SLC40A1: variants seen among roughly 807,000 people sequenced by gnomAD.
The protein encoded by SLC40A1 is ferroportin.
In SLC40A1, 16 loss-of-function variants were observed where a neutral mutation model predicts 53.5. The observed-to-expected ratio is 0.30, with a 90% CI of 0.20 to 0.45. SLC40A1 has a LOEUF of 0.45. Among genes scored for constraint, SLC40A1 ranks in the 20% least tolerant of loss-of-function variants. The pLI is 1.00. For synonymous variants in SLC40A1, 247 were observed against 253.2 expected (o/e 0.98, Z 0.23); for missense variants, 545 against 695.4 (o/e 0.78, Z 2.43).
chr2:189,580,129 CTT>C (rs2031408656), intron 1 of SLC40A1, among the ~76,000 whole-genome samples: 1 of 149,964 alleles, frequency 6.7e-6, no homozygotes, highest in Non-Finnish European at 1.5e-5. Flanking sequence ...TGAAGAAACT[CTT>C]GTTTCAGCAT....
At chr2:189,575,118 T>C (rs748806575) in intron 3 of SLC40A1, 43 bp downstream of exon 3, 8 of 1,606,482 alleles carry the variant, frequency 5.0e-6, no homozygotes, top group Non-Finnish European at 6.8e-6. Flanking sequence ...GCTCAGGCAT[T>C]GGTCCCATGA....
In SLC40A1 at chr2:189,563,848, G is replaced by C. The variant is rs775625648; in HGVS notation, c.1138C>G (p.Gln380Glu). 1 of 1,614,204 alleles carries C rather than the reference G, an allele frequency of 6.2e-7. No individual in the cohort carries two copies. Among genetic ancestry groups the C allele is most frequent in the South Asian group, 1.1e-5 (1 of 91,082 alleles). ...ACACACAAGATCAAACAGGAAAGCTGTGCCAATCCTGAGATCAGACCTGTC... is the reference window on the plus strand; with the variant it reads ...ACACACAAGATCAAACAGGAAAGCTCTGCCAATCCTGAGATCAGACCTGTC... ...VRTGLISGLA[Q>E]LSCLILCVIS... Residue 380 changes from glutamine to glutamate, a missense_variant, in exon 7 of 8, where the codon CAG (glutamine) becomes GAG (glutamate). Gln to Glu is a conservative substitution (Grantham distance 29). This residue lies in a region of SLC40A1 where 234 missense variants were observed against 299.0 expected (regional missense o/e 0.78). Transcript: ENST00000261024.
At chr2:189,566,023 T>C (rs982642315) in intron 5 of SLC40A1, among the ~76,000 whole-genome samples, 3 of 152,040 alleles carry the variant, frequency 2.0e-5, no homozygotes, top group African/African-American at 7.2e-5. Flanking sequence ...TCAACAAGCA[T>C]ATGTGTGTGT....
At position 189,564,165 on chromosome 2, in the gene SLC40A1, T is replaced by C. The variant is rs1334849525; in HGVS notation, c.821A>G (p.His274Arg). The C allele has an allele frequency of 6.2e-6, 10 of 1,613,460 alleles. No individual in the cohort carries two copies. The highest frequency in any genetic ancestry group is 2.2e-5 in the East Asian group (1 of 44,888). ...AGGCTCTTGCTCATGTTCAAGCTCA[T>C]GGATGTTAGAGTCTTTCACACCCAT... Reference protein sequence around the residue: ...HLMGVKDSNIHELEHEQEPTC... With the variant: ...HLMGVKDSNIRELEHEQEPTC... The change falls in exon 7 of 8, where the codon CAT (histidine) becomes CGT (arginine). Residue 274 changes from histidine to arginine, a missense_variant. Around this residue, in one of 4 missense-constraint regions of SLC40A1, gnomAD observed 107 missense variants for 91.0 expected, o/e 1.18. Transcript: ENST00000261024.
chr2:189,579,710 T>C, intron 2 of SLC40A1, 103 bp downstream of exon 2: 1 of 1,008,338 alleles, frequency 9.9e-7, no homozygotes, highest in Non-Finnish European at 1.6e-6. Context: ...TTTATTTCTT[T>C]AACTGCTTGA....
intron 5 of SLC40A1, among the ~76,000 whole-genome samples, chr2:189,570,196 C>T (rs2031083892): frequency 6.6e-6 from 1 of 151,506 alleles, no homozygotes; most frequent in South Asian, 2.1e-4. Context: ...TCAGACTTTG[C>T]AGAGTCAAAT....
chr2:189,569,072 T>C lies in SLC40A1; in HGVS notation c.514+2643A>G, dbSNP rs531507293. On this transcript the variant is annotated intron_variant, in intron 5 of 7. Transcript: ENST00000261024. ...TTCATGAGAAAAATAAAACACCTTT[T>C]CTGGAACTTTCCAAACTGGATAATG... Among the ~76,000 whole-genome samples the C allele has an allele frequency of 4.5e-4, 69 of 152,406 alleles. No homozygotes were observed. The South Asian group carries it at 8.1e-3, about 18-fold the overall frequency.
At chr2:189,570,094 GTGTGTATATATATA>G (rs1355722841) in intron 5 of SLC40A1, among the ~76,000 whole-genome samples, 7 of 150,140 alleles carry the variant, frequency 4.7e-5, no homozygotes, top group East Asian at 2.0e-4. Context: ...ATATATGTAT[GTGTGTATATATATA>G]TGTGTATATA....
chr2:189,565,365 T>A lies in SLC40A1; in HGVS notation c.749A>T (p.Asn250Ile). 2 of 1,614,256 alleles carry A rather than the reference T, an allele frequency of 1.2e-6. No homozygotes were observed. The highest frequency in any genetic ancestry group is 1.1e-5 in the South Asian group (1 of 91,084). The change falls in exon 6 of 8, where the codon AAT becomes ATT. Residue 250 changes from asparagine to isoleucine, a missense_variant. Around this residue, in one of 4 missense-constraint regions of SLC40A1, gnomAD observed 107 missense variants for 91.0 expected, o/e 1.18. Transcript: ENST00000261024. ...TGTGTTCAGTTTACCTTTGTGTAAA[T>A]TCAGCTGTTTCAATTCAGTTTCCTC... ...KEEETELKQL[N>I]LHKDTEPKPL...
chr2:189,572,753 G>A (rs1439245327), intron 4 of SLC40A1, 93 bp downstream of exon 4: 2 of 851,744 alleles, frequency 2.3e-6, no homozygotes, highest in Non-Finnish European at 2.0e-6. Context: ...AGGTCACACT[G>A]GCCAAAAAAA....
At position 189,562,280 on chromosome 2, in the gene SLC40A1, A is replaced by G. The variant is rs549589917; in HGVS notation, c.1403-89T>C. On this transcript the variant is annotated intron_variant, in intron 7 of 7. Transcript: ENST00000261024. ...ATAAAAATCTGTTGACATATGCAAA[A>G]TATACATTTTAGCCTGACTGTCTTT... 4.0e-5 allele frequency: 41 copies of G among 1,024,448 alleles called. No individual in the cohort carries two copies. The African/African-American group carries it at 5.6e-4, about 14-fold the overall frequency. 63.5% of individuals were successfully genotyped at this position (1,024,448 alleles called of 1,614,324 possible).
intron 5 of SLC40A1, among the ~76,000 whole-genome samples, chr2:189,570,130 G>GTA (rs1368156010): frequency 2.5e-4 from 37 of 150,698 alleles, no homozygotes; most frequent in African/African-American, 7.1e-4. Context: ...ATGTGTGTGT[G>GTA]TATATATATA....
chr2:189,571,436 AT>A (rs71401203), intron 5 of SLC40A1, among the ~76,000 whole-genome samples: 24 of 141,594 alleles, frequency 1.7e-4, no homozygotes, highest in East Asian at 5.9e-4. Flanking sequence ...AGTTGATTGA[AT>A]TTTTTTTTAA....
intron 3 of SLC40A1, among the ~76,000 whole-genome samples, chr2:189,574,838 T>G (rs1232990929): frequency 6.6e-6 from 1 of 152,198 alleles, no homozygotes; most frequent in African/African-American, 2.4e-5. Context: ...AAGATACAGT[T>G]AGGAAGCCTG....
chr2:189,564,998 C>T (rs1227706437), intron 6 of SLC40A1, among the ~76,000 whole-genome samples: 1 of 152,170 alleles, frequency 6.6e-6, no homozygotes, highest in African/African-American at 2.4e-5. Flanking sequence ...TACATAACTC[C>T]CTCCTCACAG....
Position 189,561,861 on chromosome 2 carries a change from G to A in SLC40A1, c.*17C>T, listed in dbSNP as rs2030749132. On this transcript the variant is annotated 3_prime_UTR_variant, in exon 8 of 8. Transcript: ENST00000261024. Reference sequence around the variant, plus strand: ...CTCTATATAATCTAGTAACAGGATAGCAACAGTTAAACTGTCTCAAACAAC... The same window carrying A: ...CTCTATATAATCTAGTAACAGGATAACAACAGTTAAACTGTCTCAAACAAC... 1.9e-6 allele frequency: 3 copies of A among 1,601,822 alleles called. No individual in the cohort carries two copies. Among genetic ancestry groups the A allele is most frequent in the Non-Finnish European group, 2.6e-6 (3 of 1,168,996 alleles).
At chr2:189,565,078 C>A (rs191863985) in intron 6 of SLC40A1, among the ~76,000 whole-genome samples, 69 of 152,124 alleles carry the variant, frequency 4.5e-4, no homozygotes, top group Non-Finnish European at 2.6e-4. Flanking sequence ...TAGCTTTGCC[C>A]AGCTATCTCT....
At chr2:189,579,510 A>G (rs1306170256) in intron 2 of SLC40A1, among the ~76,000 whole-genome samples, 2 of 152,234 alleles carry the variant, frequency 1.3e-5, no homozygotes, top group East Asian at 3.8e-4. Context: ...ATGTCTATTT[A>G]CCAAAGCTAC....
Position 189,561,882 on chromosome 2 carries a change from A to G in SLC40A1, c.1712T>C (p.Val571Ala). Reference protein sequence around the residue: ...RKENQANTSVV With the variant: ...RKENQANTSVA ...GATAGCAACAGTTAAACTGTCTCAA[A>G]CAACAGATGTATTTGCTTGATTTTC... The change falls in exon 8 of 8, where the codon GTT (valine) becomes GCT (alanine). Residue 571 changes from valine to alanine, a missense_variant. Val to Ala is a moderately conservative substitution (Grantham distance 64, BLOSUM62 0). This residue lies in a region of SLC40A1 where 234 missense variants were observed against 299.0 expected (regional missense o/e 0.78). Transcript: ENST00000261024. The G allele has an allele frequency of 6.2e-7, 1 of 1,612,568 alleles. No homozygotes were observed. Among genetic ancestry groups the G allele is most frequent in the South Asian group, 1.1e-5 (1 of 91,050 alleles).
Sources: allele counts gnomAD v4.1 joint callset (sites outside exome capture counted in the v4.1 genomes callset), GRCh38; gene constraint gnomAD v4.1.1; regional missense constraint gnomAD v4.1.1; transcripts MANE v1.5; gene names NCBI Gene and HGNC (gene_info 2026-07-23, HGNC 2026-07-21).